Variants in TMEM132B observed in about 807,000 individuals in gnomAD.
TMEM132B encodes the protein transmembrane protein 132B.
A neutral mutation model predicts 90.8 loss-of-function variants in TMEM132B; 18 were observed. That is an observed-to-expected ratio of 0.20 (90% CI 0.14 to 0.29). The LOEUF is 0.29. Among genes scored for constraint, TMEM132B ranks in the 10% least tolerant of loss-of-function variants. The pLI, the probability that TMEM132B is intolerant of heterozygous loss-of-function variation, is 1.00. For synonymous variants in TMEM132B, 504 were observed against 523.3 expected (o/e 0.96, Z 0.50); for missense variants, 1,096 against 1,326.8 (o/e 0.83, Z 2.70).
At position 125,502,947 on chromosome 12, in the gene TMEM132B, G is replaced by A. The variant is rs1193386395; in HGVS notation, c.1107-16492G>A. On this transcript the variant is annotated intron_variant, in intron 3 of 8. Transcript: ENST00000682704. Reference sequence around the variant, plus strand: ...TCCTGGCTTCTTTTTGATGTTCTGGGACTGTCCTCACTTTAAACATTCGGT... The same window carrying A: ...TCCTGGCTTCTTTTTGATGTTCTGGAACTGTCCTCACTTTAAACATTCGGT... Among the ~76,000 whole-genome samples the A allele has an allele frequency of 2.6e-5, 4 of 152,160 alleles. No homozygotes were observed. In the East Asian group the frequency reaches 7.7e-4, roughly 29 times the overall value.
chr12:125,303,339 A>G (rs1339743519), intron 1 of TMEM132B, among the ~76,000 whole-genome samples: 1 of 152,124 alleles, frequency 6.6e-6, no homozygotes, highest in Non-Finnish European at 1.5e-5. Context: ...ATTCCTTTTT[A>G]TAATATTCCA....
intron 2 of TMEM132B, among the ~76,000 whole-genome samples, chr12:125,384,779 T>C (rs1878779684): frequency 6.6e-6 from 1 of 152,104 alleles, no homozygotes; most frequent in Non-Finnish European, 1.5e-5. Flanking sequence ...GCCTCCCAAG[T>C]AGCTGGGATT....
At chr12:125,563,406 A>G (rs1312394060) in intron 4 of TMEM132B, among the ~76,000 whole-genome samples, 2 of 152,124 alleles carry the variant, frequency 1.3e-5, no homozygotes, top group South Asian at 2.1e-4. Context: ...CAAGAGATCG[A>G]GACTAACCTG....
Position 125,541,884 on chromosome 12 carries a change from G to A in TMEM132B, c.1293+22259G>A, listed in dbSNP as rs376935462. Among the ~76,000 whole-genome samples the A allele has an allele frequency of 2.1e-3, 322 of 151,922 alleles. 4 individuals carry two copies. In the South Asian group the frequency reaches 0.021, roughly 10 times the overall value. On this transcript the variant is annotated intron_variant, in intron 4 of 8. Coordinates refer to ENST00000682704, the MANE Select transcript of TMEM132B (RefSeq NM_001366854.1). ...AAAAAATATATAAAAAATTAGCCGG[G>A]CGTGGTGGCGGGCACCTGTAGTCCC... is the stretch of plus-strand genomic sequence containing the variant.
chr12:125,299,065 G>C (rs890788369), intron 1 of TMEM132B, among the ~76,000 whole-genome samples: 1 of 152,106 alleles, frequency 6.6e-6, no homozygotes, highest in Non-Finnish European at 1.5e-5. Context: ...AGGTCTTGCT[G>C]TGTTGCCCAG....
intron 1 of TMEM132B, among the ~76,000 whole-genome samples, chr12:125,326,045 T>G (rs1876554291): frequency 6.6e-6 from 1 of 152,172 alleles, no homozygotes. Context: ...TTGGGGGTTT[T>G]GGGCCTCCAG....
chr12:125,235,957 C>A (rs560586127), intron 1 of TMEM132B, among the ~76,000 whole-genome samples: 1 of 151,934 alleles, frequency 6.6e-6, no homozygotes, highest in Non-Finnish European at 1.5e-5. Flanking sequence ...GCGTCCACCA[C>A]CATGCCCGAT....
chr12:125,428,635 C>A (rs1462309490), intron 3 of TMEM132B, among the ~76,000 whole-genome samples: 1 of 152,138 alleles, frequency 6.6e-6, no homozygotes, highest in Non-Finnish European at 1.5e-5. Flanking sequence ...TGAAAGTATT[C>A]ATTTAACACA....
intron 2 of TMEM132B, among the ~76,000 whole-genome samples, chr12:125,357,986 C>T (rs11058150): frequency 0.32 from 48,794 of 152,104 alleles, 8,165 homozygotes; most frequent in South Asian, 0.45. Context: ...TCTCCCGGTG[C>T]CCTGGAGGCT....
intron 5 of TMEM132B, among the ~76,000 whole-genome samples, chr12:125,630,374 A>T (rs978354089): frequency 6.6e-6 from 1 of 151,924 alleles, no homozygotes; most frequent in African/African-American, 2.4e-5. Context: ...GGTGGGTTAA[A>T]TGTGTCTAGG....
rs142592341 is a variant in TMEM132B, at chr12:125,614,282, T to C, written c.1438-29794T>C. Among the ~76,000 whole-genome samples, 445 of 152,258 alleles carry C rather than the reference T, an allele frequency of 2.9e-3. 4 individuals carry two copies. The highest frequency in any genetic ancestry group is 0.01 in the African/African-American group (432 of 41,566). On this transcript the variant is annotated intron_variant, in intron 5 of 8. Transcript: ENST00000682704. ...ACCCATCCTCTCACCCTCTACTCTA[T>C]AGTAGTCCACAGTGTCTGTTCTCTT...
chr12:125,275,624 G>A (rs1013575533), intron 1 of TMEM132B, among the ~76,000 whole-genome samples: 1 of 152,204 alleles, frequency 6.6e-6, no homozygotes, highest in East Asian at 1.9e-4. Flanking sequence ...GTGAGTGGGA[G>A]TTGAACAGAT....
intron 4 of TMEM132B, among the ~76,000 whole-genome samples, chr12:125,541,122 C>A (rs567316071): frequency 6.6e-6 from 1 of 152,350 alleles, no homozygotes; most frequent in East Asian, 1.9e-4. Context: ...TCCCTGATCA[C>A]CCTGGAGAGA....
chr12:125,509,421 G>A (rs112057363), intron 3 of TMEM132B, among the ~76,000 whole-genome samples: 1,819 of 152,242 alleles, frequency 0.012, 13 homozygotes, highest in Middle Eastern at 0.034. Flanking sequence ...CCAGGCCAGG[G>A]CATTCCATAG....
At chr12:125,501,622 A>C (rs1430140819) in intron 3 of TMEM132B, among the ~76,000 whole-genome samples, 1 of 152,104 alleles carries the variant, frequency 6.6e-6, no homozygotes, top group African/African-American at 2.4e-5. Context: ...AAGTGAGAAC[A>C]GGACATCTCA....
chr12:125,561,087 G>A (rs1197955856), intron 4 of TMEM132B, among the ~76,000 whole-genome samples: 1 of 152,100 alleles, frequency 6.6e-6, no homozygotes, highest in Non-Finnish European at 1.5e-5. Flanking sequence ...GTTTATTGCG[G>A]CACTATTCAC....
At chr12:125,298,269 A>ATGATC (rs1875720419) in intron 1 of TMEM132B, among the ~76,000 whole-genome samples, 1 of 151,724 alleles carries the variant, frequency 6.6e-6, no homozygotes, top group Admixed American at 6.6e-5. Context: ...ACAAAACAAA[A>ATGATC]CAAAATGAAA....
intron 2 of TMEM132B, among the ~76,000 whole-genome samples, chr12:125,402,917 T>C (rs1879360141): frequency 6.6e-6 from 1 of 152,198 alleles, no homozygotes. Flanking sequence ...ATAAAAATGG[T>C]TCCTGCTCAT....
chr12:125,299,371 C>G (rs762364634), intron 1 of TMEM132B, among the ~76,000 whole-genome samples: 9 of 152,204 alleles, frequency 5.9e-5, no homozygotes, highest in Non-Finnish European at 1.2e-4. Context: ...CTCCCAAGCC[C>G]CATTGTGGCT....
Sources: gnomAD v4.1 joint callset for allele counts (sites outside exome capture counted in the v4.1 genomes callset) on GRCh38, gnomAD v4.1.1 for gene constraint, MANE v1.5 for transcripts, NCBI Gene and HGNC (gene_info 2026-07-23, HGNC 2026-07-21) for gene names.